Variants in RMC1 observed in about 807,000 individuals in gnomAD.
RMC1 encodes the protein regulator of MON1-CCZ1 complex.
In RMC1, 44 loss-of-function variants were observed where a neutral mutation model predicts 95.5. The ratio of observed to expected loss-of-function variants is 0.46; its 90% CI spans 0.36 to 0.59. The LOEUF (loss-of-function observed/expected upper bound fraction) is 0.59. Among genes scored for constraint, RMC1 ranks in the 20% least tolerant of loss-of-function variants. The pLI, the probability that RMC1 is intolerant of heterozygous loss-of-function variation, is 0.00. For synonymous variants in RMC1, 320 were observed against 303.6 expected, an observed-to-expected ratio of 1.05 and a Z score of -0.56; for missense variants, 705 against 819.6, an observed-to-expected ratio of 0.86 and a Z score of 1.71.
intron 19 of RMC1, 195 bp from the exon 20 acceptor site, chr18:23,531,430 G>A (rs2058501171): frequency 8.5e-7 from 1 of 1,179,604 alleles, no homozygotes; most frequent in Non-Finnish European, 1.1e-6. Context: ...CATAAGGACA[G>A]GTTAGATAGA....
rs962885349 is a variant in RMC1 at position 23,517,028 on chromosome 18, G to A, written c.653+605G>A. 8.6e-5 allele frequency among the ~76,000 whole-genome samples: 13 copies of A among 151,874 alleles called. No individual in the cohort carries two copies. The East Asian group carries it at 2.5e-3, about 29-fold the overall frequency. On this transcript the variant is annotated intron_variant, in intron 7 of 19. Coordinates refer to ENST00000269221, the MANE Select transcript of RMC1 (RefSeq NM_013326.5). ...GGCATGAGCCACTGTGCCTGGCCAA[G>A]TTTATTTTTTTTAAAAGCTCAGTTA...
chr18:23,527,845 G>T lies in RMC1; in HGVS notation c.1240G>T (p.Asp414Tyr), dbSNP rs1398446278. ...ASLPVIATVFDKLNHEYKKYL... is the reference protein window; with the variant it reads ...ASLPVIATVFYKLNHEYKKYL... The stretch of plus-strand genomic sequence containing the variant: ...GCTGCCCGTGATAGCCACTGTTTTT[G>T]ATAAACTCAACCATGAGTATAAAAA... Residue 414 changes from aspartate to tyrosine, a missense_variant, in exon 14 of 20, where the codon GAT becomes TAT. Physicochemically the swap from Asp to Tyr is radical, Grantham distance 160. Coordinates refer to ENST00000269221, the MANE Select transcript of RMC1 (RefSeq NM_013326.5). 2 of 1,613,958 alleles carry T rather than the reference G, an allele frequency of 1.2e-6. No individual in the cohort carries two copies. Among genetic ancestry groups the T allele is most frequent in the Admixed American group, 3.3e-5 (2 of 59,990 alleles).
At chr18:23,517,496 A>G (rs1788817) in intron 7 of RMC1, among the ~76,000 whole-genome samples, 80,181 of 151,984 alleles carry the variant, frequency 0.53, 21,779 homozygotes, top group East Asian at 0.91. Context: ...CAGTTTTTAA[A>G]TTTGTAATGA....
At position 23,524,270 on chromosome 18, in the gene RMC1, C is replaced by A. The variant is rs115130680; in HGVS notation, c.1006+96C>A. On this transcript the variant is annotated intron_variant, in intron 11 of 19. Coordinates refer to ENST00000269221, the MANE Select transcript of RMC1 (RefSeq NM_013326.5). ...TCCTCCTCCGGGCAGCTGTGAATAACACTCCGAGAGCCACCCCGCAGGCAG... is the reference window on the plus strand; with the variant it reads ...TCCTCCTCCGGGCAGCTGTGAATAAAACTCCGAGAGCCACCCCGCAGGCAG... 2,398 of 1,531,866 alleles carry A rather than the reference C, an allele frequency of 1.6e-3. 34 individuals are homozygous for A. The African/African-American group carries it at 0.03, about 19-fold the overall frequency. 94.9% of individuals were successfully genotyped at this position (1,531,866 alleles called of 1,614,324 possible). A position where few individuals can be genotyped will look rare whatever the true frequency, so the allele number is the denominator to read the frequency against.
At position 23,517,877 on chromosome 18, in the gene RMC1, C is replaced by A. The variant is rs2058050681; in HGVS notation, c.654-1013C>A. ...GGACTACAGGCGCATGCCACCACAT[C>A]TGGATAATTTTTGTATTTTCTGAAG... On this transcript the variant is annotated intron_variant, in intron 7 of 19. Coordinates refer to ENST00000269221, the MANE Select transcript of RMC1 (RefSeq NM_013326.5). Among the ~76,000 whole-genome samples the A allele has an allele frequency of 2.0e-5, 3 of 152,156 alleles. No homozygotes were observed. The South Asian group carries it at 6.2e-4, about 32-fold the overall frequency.
At chr18:23,519,845 C>T (rs1263375703) in intron 9 of RMC1, among the ~76,000 whole-genome samples, 4 of 151,952 alleles carry the variant, frequency 2.6e-5, no homozygotes, top group Non-Finnish European at 5.9e-5. Context: ...TGGGCTGGGC[C>T]TCTGATATAA....
chr18:23,530,988 GGTTGATCAT>G (rs1399544156), intron 19 of RMC1, among the ~76,000 whole-genome samples: 4 of 152,024 alleles, frequency 2.6e-5, no homozygotes, highest in East Asian at 1.9e-4. Flanking sequence ...AGTATACATT[GGTTGATCAT>G]TCTCATTTTT....
intron 5 of RMC1, among the ~76,000 whole-genome samples, chr18:23,512,321 G>A (rs1237836642): frequency 1.3e-5 from 2 of 152,004 alleles, no homozygotes; most frequent in Non-Finnish European, 2.9e-5. Context: ...ATGCCTGGCC[G>A]AAAGACATTT....
At chr18:23,507,908 C>T (rs2145134492) in intron 3 of RMC1, 77 bp from the exon 4 acceptor site, 1 of 1,321,752 alleles carries the variant, frequency 7.6e-7, no homozygotes, top group African/African-American at 1.5e-5. Context: ...TTTTTCTTGT[C>T]TTGTAGTATG....
rs1277436091 is a variant in RMC1, at chr18:23,503,648, G to A, written c.30G>A (p.Leu10=). 1 of 1,589,594 alleles carries A rather than the reference G, an allele frequency of 6.3e-7. No individual in the cohort carries two copies. MGEEDYYLE[L]CERPVQFEKA... is the part of the protein sequence containing the mutation. ...GCGAGGAGGACTACTATCTGGAGCT[G>A]TGCGAGCGGCCGGTGCAGTTCGAGA... The change falls in exon 1 of 20, where the codon CTG becomes CTA. Residue 10 remains leucine (L), a synonymous_variant. Coordinates refer to ENST00000269221, the MANE Select transcript of RMC1 (RefSeq NM_013326.5).
chr18:23,504,233 T>A (rs2057659780), intron 1 of RMC1, 138 bp from the exon 2 acceptor site: 2 of 710,420 alleles, frequency 2.8e-6, no homozygotes, highest in South Asian at 3.3e-5. Flanking sequence ...CAGCCAAACA[T>A]CTGTACCTTG....
In RMC1 at chr18:23,516,422, A is replaced by G. The variant is rs1483760695; in HGVS notation, c.652A>G (p.Ile218Val). 2.5e-6 allele frequency: 4 copies of G among 1,613,432 alleles called. No homozygotes were observed. The highest frequency in any genetic ancestry group is 2.7e-5 in the African/African-American group (2 of 74,928). Residue 218 changes from isoleucine (I) to valine (V), a missense_variant and splice_region_variant, in exon 7 of 20, where the codon ATA becomes GTA. Physicochemically the swap from Ile to Val is conservative, Grantham distance 29 (BLOSUM62 3). Transcript: ENST00000269221. Reference protein sequence around the residue: ...LSERDIAMATIYGQLYVLFLR... With the variant: ...LSERDIAMATVYGQLYVLFLR... ...CGAAAGAGACATCGCAATGGCTACC[A>G]TGTATGTCCGTGTCAGAGAGAATTC...
intron 9 of RMC1, among the ~76,000 whole-genome samples, chr18:23,519,491 C>T (rs1226932160): frequency 6.6e-6 from 1 of 150,806 alleles, no homozygotes; most frequent in Non-Finnish European, 1.5e-5. Context: ...GCACTCCAGC[C>T]TGGGTGATGG....
At chr18:23,523,543 CAAAAAA>C (rs374224848) in intron 10 of RMC1, among the ~76,000 whole-genome samples, 8 of 76,406 alleles carry the variant, frequency 1.0e-4, no homozygotes, top group Non-Finnish European at 1.4e-4. Flanking sequence ...CTTGTCTTCA[CAAAAAA>C]AAAAAAAAAA....
At chr18:23,527,992 A>G (rs542211230) in intron 14 of RMC1, 91 bp downstream of exon 14, 18 of 1,084,386 alleles carry the variant, frequency 1.7e-5, no homozygotes, top group African/African-American at 1.4e-4. Flanking sequence ...TGTTTCCTAT[A>G]TATTAGAATA....
At chr18:23,504,496 T>A in intron 2 of RMC1, 49 bp downstream of exon 2, 1 of 1,504,122 alleles carries the variant, frequency 6.6e-7, no homozygotes, top group Non-Finnish European at 9.2e-7. Flanking sequence ...AACAGAATGA[T>A]GTTTTTCTAA....
At chr18:23,512,762 AC>A (rs1309344343) in intron 5 of RMC1, among the ~76,000 whole-genome samples, 2 of 152,042 alleles carry the variant, frequency 1.3e-5, no homozygotes, top group East Asian at 1.9e-4. Context: ...TGGTAAAAAA[AC>A]ATACAACATT....
At position 23,527,863 on chromosome 18, in the gene RMC1, T is replaced by C; in HGVS notation, c.1258T>C (p.Tyr420His). Residue 420 changes from tyrosine to histidine, a missense_variant, in exon 14 of 20, where the codon TAT (tyrosine) becomes CAT (histidine). Physicochemically the swap from Tyr to His is moderately conservative, Grantham distance 83. Transcript: ENST00000269221. ...ATVFDKLNHE[Y>H]KKYLDAEQSY... ...TGTTTTTGATAAACTCAACCATGAG[T>C]ATAAAAAGTACCTGGATGCCGAGCA... 1 of 1,614,042 alleles carries C rather than the reference T, an allele frequency of 6.2e-7. No individual in the cohort carries two copies. Among genetic ancestry groups the C allele is most frequent in the East Asian group, 2.2e-5 (1 of 44,876 alleles).
chr18:23,520,487 TCTCA>T (rs1189569410), intron 10 of RMC1, among the ~76,000 whole-genome samples, 174 bp downstream of exon 10: 1 of 152,180 alleles, frequency 6.6e-6, no homozygotes, highest in Non-Finnish European at 1.5e-5. Flanking sequence ...TTTGAGACAG[TCTCA>T]CTGAGTCACC....
Sources: gnomAD v4.1 joint callset for allele counts (sites outside exome capture counted in the v4.1 genomes callset) on GRCh38, gnomAD v4.1.1 for gene constraint, MANE v1.5 for transcripts, NCBI Gene and HGNC (gene_info 2026-07-23, HGNC 2026-07-21) for gene names.